The following HMG20A variants were observed in gnomAD, a reference collection of about 807,000 sequenced individuals.
The protein encoded by HMG20A is high mobility group 20A, also known as high mobility group protein 20A.
A neutral mutation model predicts 43.9 loss-of-function variants in HMG20A; 17 were observed. The ratio of observed to expected loss-of-function variants is 0.39; its 90% confidence interval spans 0.27 to 0.58. HMG20A has a LOEUF of 0.58. Among genes scored for constraint, HMG20A ranks in the 20% least tolerant of loss-of-function variants. The pLI is 0.59. For synonymous variants in HMG20A, 132 were observed against 147.5 expected, an observed-to-expected ratio of 0.89 and a Z score of 0.76; for missense variants, 341 against 438.2, an observed-to-expected ratio of 0.78 and a Z score of 1.98.
chr15:77,467,062 G>C, intron 3 of HMG20A, 33 bp from the exon 4 acceptor site: 1 of 1,569,900 alleles, frequency 6.4e-7, no homozygotes, highest in Non-Finnish European at 8.7e-7. Context: ...TTGTTGTTTG[G>C]TTTTTGGTTT....
the HMG20A span, among the ~76,000 whole-genome samples, chr15:77,509,672 G>A: frequency 6.6e-5 from 10 of 151,176 alleles, no homozygotes; most frequent in East Asian, 1.8e-3. Context: ...TTGGGAGGCC[G>A]AAGTGGGCAG....
intron 1 of HMG20A, among the ~76,000 whole-genome samples, chr15:77,427,497 G>A (rs1057179429): frequency 6.6e-6 from 1 of 152,056 alleles, no homozygotes; most frequent in Non-Finnish European, 1.5e-5. Flanking sequence ...TTTTCACCAC[G>A]ATTTTACCAG....
chr15:77,437,825 C>G lies in HMG20A; in HGVS notation c.-5+16821C>G, dbSNP rs529337454. ...CTGACCTCAGATGATCTCCCTGCCTCGGCCTCCCAAAGTGTTGGGATTACA... is the reference window on the plus strand; with the variant it reads ...CTGACCTCAGATGATCTCCCTGCCTGGGCCTCCCAAAGTGTTGGGATTACA... On this transcript the variant is annotated intron_variant, in intron 1 of 9. Transcript: ENST00000336216. Among the ~76,000 whole-genome samples, 221 of 152,268 alleles carry G rather than the reference C, an allele frequency of 1.5e-3. 5 individuals are homozygous for G. The highest frequency in any genetic ancestry group is 0.012 in the Admixed American group (190 of 15,292).
At chr15:77,489,343 C>T (rs1455646479), downstream of HMG20A, among the ~76,000 whole-genome samples, 2 of 152,124 alleles carry the variant, frequency 1.3e-5, 1 homozygote, top group Non-Finnish European at 2.9e-5. Context: ...TGTGCAGTTA[C>T]AGAACAGGGA....
the HMG20A span, among the ~76,000 whole-genome samples, chr15:77,494,580 T>C: frequency 6.6e-6 from 1 of 152,216 alleles, no homozygotes; most frequent in African/African-American, 2.4e-5. Flanking sequence ...CCACATGAGA[T>C]TTCTGCAGGG....
At chr15:77,427,329 C>T (rs1231448251) in intron 1 of HMG20A, among the ~76,000 whole-genome samples, 3 of 152,086 alleles carry the variant, frequency 2.0e-5, no homozygotes, top group South Asian at 4.1e-4. Context: ...TTAAATAAAA[C>T]TATAGCTATT....
At chr15:77,434,788 G>A (rs1178810330) in intron 1 of HMG20A, among the ~76,000 whole-genome samples, 2 of 151,990 alleles carry the variant, frequency 1.3e-5, no homozygotes, top group Non-Finnish European at 2.9e-5. Flanking sequence ...TATGTTTCTG[G>A]TAGGTGTGTG....
chr15:77,450,047 T>C (rs1167124870), intron 1 of HMG20A, among the ~76,000 whole-genome samples: 2 of 152,232 alleles, frequency 1.3e-5, no homozygotes, highest in East Asian at 1.9e-4. Flanking sequence ...AACATATGGG[T>C]TGAGTTTCCC....
At chr15:77,506,294 G>A in the HMG20A span, among the ~76,000 whole-genome samples, 11 of 152,206 alleles carry the variant, frequency 7.2e-5, no homozygotes, top group Admixed American at 7.2e-4. Flanking sequence ...GTTTCAGAAG[G>A]TCACGGGGCC....
intron 1 of HMG20A, among the ~76,000 whole-genome samples, chr15:77,437,316 G>C (rs562503801): frequency 6.6e-6 from 1 of 152,220 alleles, no homozygotes; most frequent in East Asian, 1.9e-4. Flanking sequence ...CATGTACCTG[G>C]TACATATTAC....
chr15:77,500,094 G>A, the HMG20A span, among the ~76,000 whole-genome samples: 1 of 152,090 alleles, frequency 6.6e-6, no homozygotes, highest in Non-Finnish European at 1.5e-5. Context: ...GCCTCCCAAA[G>A]TGCTGGGATT....
chr15:77,492,165 A>C, the HMG20A span, among the ~76,000 whole-genome samples: 1 of 152,262 alleles, frequency 6.6e-6, no homozygotes, highest in South Asian at 2.1e-4. Context: ...ACAATGTGTT[A>C]TGTAGGAATA....
the HMG20A span, among the ~76,000 whole-genome samples, chr15:77,492,806 G>C: frequency 6.6e-6 from 1 of 151,994 alleles, no homozygotes; most frequent in African/African-American, 2.4e-5. Context: ...GCAAGACTCT[G>C]TCTCCAAGGA....
intron 1 of HMG20A, among the ~76,000 whole-genome samples, chr15:77,457,748 G>A (rs1010298066): frequency 6.6e-6 from 1 of 152,128 alleles, no homozygotes; most frequent in Non-Finnish European, 1.5e-5. Flanking sequence ...TTCTGACCTG[G>A]AAGTGTGGTT....
chr15:77,478,202 G>A (rs531400366), intron 7 of HMG20A, 93 bp from the exon 8 acceptor site: 15 of 1,236,268 alleles, frequency 1.2e-5, no homozygotes, highest in Middle Eastern at 2.7e-4. Flanking sequence ...CTAAATTAGA[G>A]GCAGCTAAGC....
chr15:77,434,077 T>C (rs2142280978), intron 1 of HMG20A, among the ~76,000 whole-genome samples: 1 of 152,248 alleles, frequency 6.6e-6, no homozygotes, highest in South Asian at 2.1e-4. Context: ...AACAATCCCA[T>C]ATGTATGTAA....
chr15:77,509,671 C>T, the HMG20A span, among the ~76,000 whole-genome samples: 2 of 149,858 alleles, frequency 1.3e-5, no homozygotes, highest in South Asian at 2.1e-4. Context: ...TTTGGGAGGC[C>T]GAAGTGGGCA....
rs1320061189 is a variant in HMG20A at position 77,483,479 on chromosome 15, A to G, written c.*516A>G. The G allele has an allele frequency of 6.6e-6, 1 of 152,642 alleles. No individual in the cohort carries two copies. Among genetic ancestry groups the G allele is most frequent in the East Asian group, 1.9e-4 (1 of 5,190 alleles). 9.5% of individuals were successfully genotyped at this position (152,642 alleles called of 1,614,324 possible). A position where few individuals can be genotyped will look rare whatever the true frequency, so the allele number is the denominator to read the frequency against. ...CCTCTGGACTAACTGGTTGCTCAGCAAGGTTCTGAAGGAGAGTTTCTTGCA... is the reference window on the plus strand; with the variant it reads ...CCTCTGGACTAACTGGTTGCTCAGCGAGGTTCTGAAGGAGAGTTTCTTGCA... On this transcript the variant is annotated 3_prime_UTR_variant, in exon 10 of 10. Transcript: ENST00000336216.
chr15:77,458,182 C>A, intron 1 of HMG20A: 1 of 365,560 alleles, frequency 2.7e-6, no homozygotes. Context: ...TTGTTAAAAC[C>A]TAACTTGTTT....
Sources: gnomAD v4.1 joint callset for allele counts (sites outside exome capture counted in the v4.1 genomes callset) on GRCh38, gnomAD v4.1.1 for gene constraint, MANE v1.5 for transcripts, NCBI Gene and HGNC (gene_info 2026-07-23, HGNC 2026-07-21) for gene names.